Variants in ANKRD36B observed in about 807,000 individuals in gnomAD.
The protein encoded by ANKRD36B is ankyrin repeat domain-containing protein 36B.
ANKRD36B carries 37 observed loss-of-function variants against 135.7 expected under a neutral mutation model. That is an observed-to-expected ratio of 0.27 (90% CI 0.21 to 0.36). The LOEUF is 0.36. Among genes scored for constraint, ANKRD36B ranks in the 10% least tolerant of loss-of-function variants. The probability of loss-of-function intolerance (pLI) is 1.00; values close to 1 mark genes in which losing one functional copy is unlikely to be tolerated. For synonymous variants in ANKRD36B, 179 were observed against 348.1 expected, an observed-to-expected ratio of 0.51 and a Z score of 5.41; for missense variants, 549 against 1,037.1, an observed-to-expected ratio of 0.53 and a Z score of 6.46.
chr2:97,559,037 G>A (rs1247282831), intron 8 of ANKRD36B, 43 bp from the exon 9 acceptor site: 7 of 1,601,478 alleles, frequency 4.4e-6, no homozygotes, highest in Non-Finnish European at 5.9e-6. Context: ...ATGTACATAT[G>A]ATAAATTTAT....
chr2:97,566,986 T>C (rs1313873859), intron 6 of ANKRD36B, among the ~76,000 whole-genome samples: 1 of 152,038 alleles, frequency 6.6e-6, no homozygotes, highest in Non-Finnish European at 1.5e-5. Context: ...CAGTTACAAG[T>C]CTGGGCCTCC....
intron 10 of ANKRD36B, 33 bp from the exon 11 acceptor site, chr2:97,557,165 A>G: frequency 6.6e-7 from 1 of 1,505,926 alleles, no homozygotes; most frequent in Non-Finnish European, 8.9e-7. Context: ...AATTCATCAT[A>G]TGTAAATATG....
At position 97,536,850 on chromosome 2, in the gene ANKRD36B, C is replaced by T. The variant is rs2078914730; in HGVS notation, c.2090-354G>A. ...TAAGTGTAAAAGCTGGTGCTAACTGCGACTACATGACTTTCATACAAGACA... is the reference window on the plus strand; with the variant it reads ...TAAGTGTAAAAGCTGGTGCTAACTGTGACTACATGACTTTCATACAAGACA... On this transcript the variant is annotated intron_variant, in intron 32 of 43. Transcript: ENST00000359901. Among the ~76,000 whole-genome samples, 2 of 96,762 alleles carry T rather than the reference C, an allele frequency of 2.1e-5. 1 individual carries two copies. The highest frequency in any genetic ancestry group is 5.5e-5 in the Non-Finnish European group (2 of 36,314). The allele number at this position is 96,762 out of a possible 152,430, so 63.5% of individuals were successfully genotyped here.
At position 97,589,561 on chromosome 2, in the gene ANKRD36B, G is replaced by C; in HGVS notation, c.125C>G (p.Thr42Arg). ...GTCTCTCTTATTGGCGTCATAATAC[G>C]TGAGCAGAAGGTACTTCAGTTTCTC... The part of the protein sequence containing the change: ...NLEKLKYLLL[T>R]YYDANKRDRK... Residue 42 changes from threonine to arginine, a missense_variant, in exon 1 of 44, where the codon ACG (threonine) becomes AGG (arginine). Physicochemically the swap from Thr to Arg is moderately conservative, Grantham distance 71. Transcript: ENST00000359901. The C allele has an allele frequency of 6.2e-7, 1 of 1,610,094 alleles. No individual in the cohort carries two copies. The highest frequency in any genetic ancestry group is 1.1e-5 in the South Asian group (1 of 90,674).
intron 9 of ANKRD36B, 36 bp downstream of exon 9, chr2:97,558,930 G>C (rs187844202): frequency 3.1e-6 from 5 of 1,606,780 alleles, no homozygotes; most frequent in Middle Eastern, 1.7e-4. Context: ...AGACTATACG[G>C]TTAATAGTTC....
intron 3 of ANKRD36B, 28 bp downstream of exon 3, chr2:97,584,916 T>C (rs201800586): frequency 2.0e-6 from 3 of 1,483,786 alleles, no homozygotes; most frequent in Non-Finnish European, 2.7e-6. Flanking sequence ...TTTCAGATAG[T>C]TTGAAAATAA....
In ANKRD36B at chr2:97,589,874, G is replaced by A. The variant is rs2083299304; in HGVS notation, c.-189C>T. 2.6e-6 allele frequency: 2 copies of A among 777,888 alleles called. No homozygotes were observed. The highest frequency in any genetic ancestry group is 4.1e-6 in the Non-Finnish European group (2 of 487,386). 48.2% of individuals were successfully genotyped at this position (777,888 alleles called of 1,614,324 possible). A position where few individuals can be genotyped will look rare whatever the true frequency, so the allele number is the denominator to read the frequency against. ...CGCCTCTCCGCAGAAACGCCCAACA[G>A]AAGGGTTAGAACCAGCGAGCACGCG... On this transcript the variant is annotated 5_prime_UTR_variant, in exon 1 of 44. Coordinates refer to ENST00000359901, the MANE Select transcript of ANKRD36B (RefSeq NM_001393939.1).
chr2:97,552,384 T>C (rs1248364203), intron 16 of ANKRD36B, among the ~76,000 whole-genome samples: 2 of 151,938 alleles, frequency 1.3e-5, no homozygotes, highest in Non-Finnish European at 2.9e-5. Flanking sequence ...AAATAGCTAT[T>C]TTATCCAAGA....
At chr2:97,551,556 T>A in intron 16 of ANKRD36B, 76 bp from the exon 17 acceptor site, 1 of 1,595,758 alleles carries the variant, frequency 6.3e-7, no homozygotes, top group East Asian at 2.3e-5. Flanking sequence ...GCAGTGTTTG[T>A]ATCAACCTCT....
At chr2:97,550,438 G>T (rs1284750799) in intron 18 of ANKRD36B, among the ~76,000 whole-genome samples, 3 of 151,834 alleles carry the variant, frequency 2.0e-5, no homozygotes, top group African/African-American at 7.2e-5. Flanking sequence ...TAATTAGAAT[G>T]CAACATAATT....
rs1163129026 is a variant in ANKRD36B, at chr2:97,528,666, T to C, written c.2265+3645A>G. Among the ~76,000 whole-genome samples the C allele has an allele frequency of 2.1e-5, 2 of 94,272 alleles. 1 individual carries two copies. 61.8% of individuals were successfully genotyped at this position (94,272 alleles called of 152,430 possible). A position where few individuals can be genotyped will look rare whatever the true frequency, so the allele number is the denominator to read the frequency against. ...ATTGATAGACCGCTAGCAAGACTAA[T>C]AAAGAAGAAAAGAGAGAAGAATCAA... On this transcript the variant is annotated intron_variant, in intron 35 of 43. Transcript: ENST00000359901.
At chr2:97,572,642 AAT>A (rs1335781905) in intron 6 of ANKRD36B, among the ~76,000 whole-genome samples, 5 of 151,058 alleles carry the variant, frequency 3.3e-5, no homozygotes, top group African/African-American at 4.9e-5. Flanking sequence ...TATACTTTAG[AAT>A]AGGTAGCTAA....
chr2:97,537,631 C>T (rs2078956357), intron 32 of ANKRD36B, among the ~76,000 whole-genome samples: 1 of 95,916 alleles, frequency 1.0e-5, no homozygotes, highest in Non-Finnish European at 2.8e-5. Context: ...TTCACTCAGG[C>T]TTCCTCAGCA....
intron 6 of ANKRD36B, among the ~76,000 whole-genome samples, chr2:97,570,511 T>C (rs1026156685): frequency 2.0e-5 from 3 of 152,192 alleles, no homozygotes; most frequent in African/African-American, 4.8e-5. Flanking sequence ...TCTGGAAGTG[T>C]GGAATTTTTG....
At chr2:97,545,476 A>C (rs1265119514) in intron 24 of ANKRD36B, among the ~76,000 whole-genome samples, 190 bp downstream of exon 24, 1 of 95,620 alleles carries the variant, frequency 1.0e-5, no homozygotes, top group Non-Finnish European at 2.8e-5. Flanking sequence ...GACATCTAAA[A>C]TCTTAGTACT....
chr2:97,566,193 CGTAT>C, intron 6 of ANKRD36B, among the ~76,000 whole-genome samples: 1 of 151,858 alleles, frequency 6.6e-6, no homozygotes, highest in South Asian at 2.1e-4. Context: ...CGGTGGCACA[CGTAT>C]GTAATCCCAG....
intron 3 of ANKRD36B, among the ~76,000 whole-genome samples, chr2:97,584,716 TG>T (rs2082857017): frequency 7.3e-6 from 1 of 137,266 alleles, no homozygotes; most frequent in Non-Finnish European, 1.5e-5. Context: ...GTAATTCATT[TG>T]TTTTTATAGT....
rs191791853 is a variant in ANKRD36B at position 97,566,557 on chromosome 2, G to A, written c.764-5697C>T. Reference sequence around the variant, plus strand: ...GCATGTACTTATCAAATGCAAAGAAGAATATATTATCAAAATTTGGTTTAT... The same window carrying A: ...GCATGTACTTATCAAATGCAAAGAAAAATATATTATCAAAATTTGGTTTAT... On this transcript the variant is annotated intron_variant, in intron 6 of 43. Coordinates refer to ENST00000359901, the MANE Select transcript of ANKRD36B (RefSeq NM_001393939.1). 4.2e-3 allele frequency among the ~76,000 whole-genome samples: 637 copies of A among 152,092 alleles called. 6 individuals are homozygous for A. Among genetic ancestry groups the A allele is most frequent in the Non-Finnish European group, 4.7e-3 (317 of 67,994 alleles).
chr2:97,564,202 G>A (rs13008640), intron 6 of ANKRD36B, among the ~76,000 whole-genome samples: 2 of 151,746 alleles, frequency 1.3e-5, no homozygotes, highest in Admixed American at 6.6e-5. Context: ...GTTACATGTC[G>A]TCAATAAGTT....
Sources: gnomAD v4.1 joint callset for allele counts (sites outside exome capture counted in the v4.1 genomes callset) on GRCh38, gnomAD v4.1.1 for gene constraint, MANE v1.5 for transcripts, NCBI Gene and HGNC (gene_info 2026-07-23, HGNC 2026-07-21) for gene names.